IPO5: variants seen among roughly 807,000 people sequenced by gnomAD.
The protein encoded by IPO5 is importin-5.
IPO5 carries 18 observed loss-of-function variants against 143.3 expected under a neutral mutation model. The ratio of observed to expected loss-of-function variants is 0.13; its 90% CI spans 0.09 to 0.19. The LOEUF is 0.19. Among genes scored for constraint, IPO5 ranks in the 10% least tolerant of loss-of-function variants. The probability of loss-of-function intolerance (pLI) is 1.00; values close to 1 mark genes in which losing one functional copy is unlikely to be tolerated. For missense variants in IPO5, 1,013 were observed against 1,336.9 expected, an observed-to-expected ratio of 0.76 and a Z score of 3.78; for synonymous variants, 477 against 465.7, an observed-to-expected ratio of 1.02 and a Z score of -0.31.
At chr13:97,996,639 G>T (rs1400956840) in intron 11 of IPO5, among the ~76,000 whole-genome samples, 2 of 152,072 alleles carry the variant, frequency 1.3e-5, no homozygotes, top group Non-Finnish European at 2.9e-5. Flanking sequence ...GTCTCGCTCT[G>T]TCGTCCAGGC....
chr13:97,973,817 C>T (rs367612870), intron 3 of IPO5, among the ~76,000 whole-genome samples: 2 of 152,164 alleles, frequency 1.3e-5, no homozygotes, highest in African/African-American at 4.8e-5. Context: ...GGCCTGTAAT[C>T]CTAGCACTTT....
chr13:98,003,078 T>A, intron 16 of IPO5, 41 bp downstream of exon 16: 1 of 1,488,756 alleles, frequency 6.7e-7, no homozygotes, highest in Non-Finnish European at 9.2e-7. Flanking sequence ...GTTTGTAGAT[T>A]AATTTGGGTT....
chr13:97,968,109 C>A (rs1490792988), intron 2 of IPO5, among the ~76,000 whole-genome samples: 1 of 152,176 alleles, frequency 6.6e-6, no homozygotes, highest in Admixed American at 6.5e-5. Flanking sequence ...AGACATGAGG[C>A]ACCGTGCCAA....
chr13:97,956,014 C>G (rs1442155471), intron 2 of IPO5, among the ~76,000 whole-genome samples: 1 of 151,892 alleles, frequency 6.6e-6, no homozygotes, highest in Non-Finnish European at 1.5e-5. Context: ...CACCTGTGGT[C>G]CCAGCTACTC....
intron 26 of IPO5, 47 bp from the exon 27 acceptor site, chr13:98,019,534 T>C (rs745569845): frequency 7.8e-6 from 10 of 1,278,290 alleles, no homozygotes; most frequent in Non-Finnish European, 9.1e-6. Flanking sequence ...TTCATTTGCA[T>C]GAAAATGTGA....
intron 4 of IPO5, chr13:97,979,765 C>G: frequency 2.5e-6 from 1 of 405,398 alleles, no homozygotes; most frequent in African/African-American, 2.1e-5. Flanking sequence ...CTCCTGGCCT[C>G]AAGTGATCCT....
intron 18 of IPO5, among the ~76,000 whole-genome samples, chr13:98,008,606 C>T (rs598787): frequency 0.031 from 4,701 of 152,218 alleles, 238 homozygotes; most frequent in African/African-American, 0.11. Context: ...CTTGCCTCTC[C>T]GCCAACGAAC....
chr13:98,004,548 A>G (rs1889057453), intron 16 of IPO5, among the ~76,000 whole-genome samples: 1 of 152,194 alleles, frequency 6.6e-6, no homozygotes. Context: ...TCCTTCCTGC[A>G]GTGAGGCACT....
chr13:97,977,257 A>G (rs1224748703), intron 4 of IPO5, among the ~76,000 whole-genome samples: 1 of 151,832 alleles, frequency 6.6e-6, no homozygotes, highest in Non-Finnish European at 1.5e-5. Flanking sequence ...ACCCCTGCTC[A>G]TCTCCCACAC....
chr13:97,977,487 T>C (rs566369262), intron 4 of IPO5, among the ~76,000 whole-genome samples: 1 of 152,216 alleles, frequency 6.6e-6, no homozygotes, highest in Non-Finnish European at 1.5e-5. Context: ...AAATTTTCTT[T>C]GCTCTCTAGA....
rs540186572 is a variant in IPO5, at chr13:98,000,905, A to G, written c.1108+260A>G. The G allele has an allele frequency of 2.2e-5, 10 of 459,206 alleles. No individual in the cohort carries two copies. The South Asian group carries it at 3.2e-4, about 15-fold the overall frequency. The allele number at this position is 459,206 out of a possible 1,614,324, so 28.4% of individuals were successfully genotyped here. On this transcript the variant is annotated intron_variant, in intron 13 of 28. Coordinates refer to ENST00000651721, the MANE Select transcript of IPO5 (RefSeq NM_002271.6). Reference sequence around the variant, plus strand: ...TATGGAATATTAGAATGTTTGAATCATATACTCTTCTTTCACCCAATATCT... The same window carrying G: ...TATGGAATATTAGAATGTTTGAATCGTATACTCTTCTTTCACCCAATATCT...
chr13:98,004,210 A>G (rs1368723972), intron 16 of IPO5, among the ~76,000 whole-genome samples: 1 of 152,220 alleles, frequency 6.6e-6, no homozygotes, highest in Non-Finnish European at 1.5e-5. Context: ...CAATTCCTAT[A>G]CTTAATATGA....
rs1206616431 is a variant in IPO5 at position 97,992,977 on chromosome 13, G to A, written c.755G>A (p.Arg252His). Residue 252 changes from arginine to histidine, a missense_variant, in exon 10 of 29, where the codon CGT becomes CAT. By Grantham distance (29) the Arg-to-His change is conservative. Coordinates refer to ENST00000651721, the MANE Select transcript of IPO5 (RefSeq NM_002271.6). ...GCAGATACTGTTCCAAAGTATTTGCGTCCTCACTTGGAAGCAACTCTACAG... is the reference window on the plus strand; with the variant it reads ...GCAGATACTGTTCCAAAGTATTTGCATCCTCACTTGGAAGCAACTCTACAG... Reference protein sequence around the residue: ...EIADTVPKYLRPHLEATLQLS... With the variant: ...EIADTVPKYLHPHLEATLQLS... 6.8e-6 allele frequency: 11 copies of A among 1,613,258 alleles called. No individual in the cohort carries two copies. Among genetic ancestry groups the A allele is most frequent in the Middle Eastern group, 1.6e-4 (1 of 6,084 alleles).
At chr13:97,967,792 C>T (rs182721262) in intron 2 of IPO5, among the ~76,000 whole-genome samples, 51 of 152,142 alleles carry the variant, frequency 3.4e-4, no homozygotes, top group African/African-American at 1.2e-3. Context: ...CCACCACGCC[C>T]GGCTAATTTT....
At chr13:98,002,364 T>A in intron 13 of IPO5, 103 bp from the exon 14 acceptor site, 1 of 1,163,636 alleles carries the variant, frequency 8.6e-7, no homozygotes, top group South Asian at 1.5e-5. Context: ...TCAAAAAAGT[T>A]TTGTTACTCT....
intron 11 of IPO5, among the ~76,000 whole-genome samples, chr13:97,994,048 T>C (rs1018229273): frequency 1.3e-5 from 2 of 152,236 alleles, no homozygotes; most frequent in African/African-American, 4.8e-5. Flanking sequence ...GGCTCATGCC[T>C]GTAATCCCAA....
intron 16 of IPO5, among the ~76,000 whole-genome samples, chr13:98,005,321 C>G (rs1033077053): frequency 6.6e-6 from 1 of 151,512 alleles, no homozygotes; most frequent in Non-Finnish European, 1.5e-5. Flanking sequence ...CCTCTGCTTC[C>G]GGAGTAATGG....
Position 98,006,356 on chromosome 13 carries a change from A to ATTTGTTTTTTTTTTTTTTT in IPO5, c.1716+11_1716+12insGTTTTTTTTTTTTTTTTTT, listed in dbSNP as rs1889241132. 2.0e-6 allele frequency: 1 copy of ATTTGTTTTTTTTTTTTTTT among 507,094 alleles called. No individual in the cohort carries two copies. The allele number at this position is 507,094 out of a possible 1,614,324, so 31.4% of individuals were successfully genotyped here. On this transcript the variant is annotated intron_variant, in intron 17 of 28. Transcript: ENST00000651721. ...GCTGTTGGGAAGGAAAAAGTAAGTA[A>ATTTGTTTTTTTTTTTTTTT]TTTTTTTTTTTTTTTTTTTTTTTTT...
intron 11 of IPO5, among the ~76,000 whole-genome samples, chr13:97,995,786 G>T (rs991877756): frequency 6.6e-6 from 1 of 151,660 alleles, no homozygotes; most frequent in Admixed American, 6.6e-5. Context: ...AATAATTTGG[G>T]GTCTACTCAA....
Sources: gnomAD v4.1 joint callset for allele counts (sites outside exome capture counted in the v4.1 genomes callset) on GRCh38, gnomAD v4.1.1 for gene constraint, MANE v1.5 for transcripts, NCBI Gene and HGNC (gene_info 2026-07-23, HGNC 2026-07-21) for gene names.